CCSER1: variants seen among roughly 807,000 people sequenced by gnomAD.
The protein encoded by CCSER1 is serine-rich coiled-coil domain-containing protein 1.
CCSER1 carries 41 observed loss-of-function variants against 82.0 expected under a neutral mutation model. That is an observed-to-expected ratio of 0.50 (90% confidence interval 0.39 to 0.65). The LOEUF is 0.65. Ranked by LOEUF, CCSER1 falls within the 30% of genes least tolerant of loss-of-function variation. The pLI, the probability that CCSER1 is intolerant of heterozygous loss-of-function variation, is 0.00. For missense variants in CCSER1, 1,119 were observed against 1,064.2 expected (o/e 1.05, Z -0.72); for synonymous variants, 414 against 383.9 (o/e 1.08, Z -0.92).
intron 7 of CCSER1, among the ~76,000 whole-genome samples, chr4:90,732,064 T>TCTCTC (rs1744858436): frequency 2.0e-5 from 3 of 148,624 alleles, no homozygotes; most frequent in African/African-American, 2.5e-5. Flanking sequence ...TCTCTCTCAC[T>TCTCTC]GCTCTATTCT....
chr4:90,955,456 A>G (rs2150362371), intron 9 of CCSER1, among the ~76,000 whole-genome samples: 1 of 152,222 alleles, frequency 6.6e-6, no homozygotes, highest in Admixed American at 6.5e-5. Context: ...CATTAAATCA[A>G]ACTCCCAATA....
intron 8 of CCSER1, among the ~76,000 whole-genome samples, chr4:90,825,119 GTCTT>G (rs1760245527): frequency 6.6e-6 from 1 of 152,180 alleles, no homozygotes; most frequent in African/African-American, 2.4e-5. Flanking sequence ...ATTTGTTAAA[GTCTT>G]TATCACAAAG....
chr4:91,356,705 A>C lies in CCSER1; in HGVS notation c.2218-241867A>C, dbSNP rs369736589. Among the ~76,000 whole-genome samples, 24 of 152,324 alleles carry C rather than the reference A, an allele frequency of 1.6e-4. No homozygotes were observed. The East Asian group carries it at 4.6e-3, about 29-fold the overall frequency. ...GGGCTGACTGATTGATAAGCTCTTG[A>C]AAATTCCTAAGATCACTGCATCCCT... On this transcript the variant is annotated intron_variant, in intron 10 of 10. Transcript: ENST00000509176.
chr4:90,565,494 T>A (rs1174195664), intron 5 of CCSER1, among the ~76,000 whole-genome samples: 1 of 152,186 alleles, frequency 6.6e-6, no homozygotes, highest in Non-Finnish European at 1.5e-5. Flanking sequence ...CCAATTTAGA[T>A]GATTTTTATT....
intron 1 of CCSER1, among the ~76,000 whole-genome samples, chr4:90,156,759 A>G (rs547203135): frequency 4.6e-5 from 7 of 151,936 alleles, no homozygotes; most frequent in African/African-American, 1.4e-4. Flanking sequence ...TTTTGAGCCT[A>G]TGTGTGTCTC....
chr4:91,599,252 T>C lies in CCSER1; in HGVS notation c.*195T>C. The C allele has an allele frequency of 3.3e-6, 2 of 607,600 alleles. No homozygotes were observed. The highest frequency in any genetic ancestry group is 5.4e-6 in the Non-Finnish European group (2 of 368,134). The allele number at this position is 607,600 out of a possible 1,614,324, so 37.6% of individuals were successfully genotyped here. On this transcript the variant is annotated 3_prime_UTR_variant, in exon 11 of 11. Transcript: ENST00000509176. ...TCCAAGAGTGAAAGTTTGAGCATGT[T>C]AATTGAACTAGGTTGCATTGCCTTG... is the stretch of plus-strand genomic sequence containing the variant.
At chr4:90,141,871 C>T (rs1333311726) in intron 1 of CCSER1, among the ~76,000 whole-genome samples, 2 of 152,170 alleles carry the variant, frequency 1.3e-5, no homozygotes, top group African/African-American at 4.8e-5. Context: ...TGCAGGTCAA[C>T]TTAATTTGGA....
chr4:90,932,990 A>AGAGAGAGAGAGAG, intron 9 of CCSER1, among the ~76,000 whole-genome samples: 1 of 48,492 alleles, frequency 2.1e-5, no homozygotes, highest in South Asian at 4.7e-4. Context: ...AAGAGAAAGA[A>AGAGAGAGAGAGAG]AGAAAGAAAG....
chr4:90,325,958 TTG>T (rs1287418251), intron 3 of CCSER1, among the ~76,000 whole-genome samples: 3 of 152,248 alleles, frequency 2.0e-5, no homozygotes, highest in African/African-American at 7.2e-5. Flanking sequence ...ACATTTATAA[TTG>T]TCTCACAAAC....
chr4:90,239,104 G>A (rs962918184), intron 1 of CCSER1, among the ~76,000 whole-genome samples: 1 of 152,166 alleles, frequency 6.6e-6, no homozygotes, highest in Non-Finnish European at 1.5e-5. Flanking sequence ...GCCTGCCTGG[G>A]CCTCCCAAAG....
chr4:90,925,002 C>T (rs1401765628), intron 9 of CCSER1, among the ~76,000 whole-genome samples: 3 of 152,170 alleles, frequency 2.0e-5, no homozygotes, highest in Admixed American at 6.5e-5. Context: ...TCTGGGATTA[C>T]AGGCGTGAGC....
At chr4:90,455,406 G>C (rs1762035253) in intron 4 of CCSER1, among the ~76,000 whole-genome samples, 1 of 152,180 alleles carries the variant, frequency 6.6e-6, no homozygotes. Flanking sequence ...AGAGAGAACA[G>C]AGGAGGAAAA....
At chr4:91,244,285 C>G (rs1739593590) in intron 10 of CCSER1, among the ~76,000 whole-genome samples, 1 of 152,176 alleles carries the variant, frequency 6.6e-6, no homozygotes, top group Non-Finnish European at 1.5e-5. Flanking sequence ...GTTACAGACT[C>G]TAAGCCCTGG....
intron 9 of CCSER1, among the ~76,000 whole-genome samples, chr4:91,025,500 A>G (rs1240301868): frequency 6.6e-6 from 1 of 152,130 alleles, no homozygotes; most frequent in African/African-American, 2.4e-5. Flanking sequence ...GGGAATTCAG[A>G]AATGCCTGTG....
rs1757497967 is a variant in CCSER1, at chr4:91,474,841, T to C, written c.2218-123731T>C. Among the ~76,000 whole-genome samples the C allele has an allele frequency of 6.2e-5, 9 of 144,628 alleles. No individual in the cohort carries two copies. In the South Asian group the frequency reaches 2.0e-3, roughly 33 times the overall value. The allele number at this position is 144,628 out of a possible 152,430, so 94.9% of individuals were successfully genotyped here. On this transcript the variant is annotated intron_variant, in intron 10 of 10. Transcript: ENST00000509176. ...CACACACACACACACACACACACATTGCCTTCCAAATTTGAGGGATAAAAA... is the reference window on the plus strand; with the variant it reads ...CACACACACACACACACACACACATCGCCTTCCAAATTTGAGGGATAAAAA...
intron 7 of CCSER1, among the ~76,000 whole-genome samples, chr4:90,801,636 G>GAAC (rs1458341986): frequency 6.6e-6 from 1 of 152,056 alleles, no homozygotes; most frequent in Non-Finnish European, 1.5e-5. Context: ...TACTGGCTTT[G>GAAC]AACAACTGTT....
intron 1 of CCSER1, among the ~76,000 whole-genome samples, chr4:90,228,602 C>T (rs1486935741): frequency 1.4e-4 from 21 of 152,222 alleles, no homozygotes; most frequent in East Asian, 9.7e-4. Context: ...TCACCAGCAA[C>T]GGAACAAAGC....
chr4:91,275,777 A>G (rs2149192183), intron 10 of CCSER1, among the ~76,000 whole-genome samples: 1 of 152,210 alleles, frequency 6.6e-6, no homozygotes, highest in African/African-American at 2.4e-5. Context: ...TTCTTTTAGC[A>G]GTTTTATAGT....
At chr4:90,659,567 C>A (rs1319590272) in intron 6 of CCSER1, among the ~76,000 whole-genome samples, 1 of 152,020 alleles carries the variant, frequency 6.6e-6, no homozygotes, top group African/African-American at 2.4e-5. Flanking sequence ...ATTGTGGGCT[C>A]CAAAAGTTAT....
Sources: allele counts gnomAD v4.1 joint callset (sites outside exome capture counted in the v4.1 genomes callset), GRCh38; gene constraint gnomAD v4.1.1; transcripts MANE v1.5; gene names NCBI Gene and HGNC (gene_info 2026-07-23, HGNC 2026-07-21).